Variants in DLG1 observed in about 807,000 individuals in gnomAD.
The protein encoded by DLG1 is discs large MAGUK scaffold protein 1.
Under a neutral mutation model 123.4 loss-of-function variants are expected in DLG1, and 42 were observed. The observed-to-expected ratio is 0.34, with a 90% CI of 0.27 to 0.44. The LOEUF is 0.44. Ranked by LOEUF, DLG1 falls within the 20% of genes least tolerant of loss-of-function variation. The probability of loss-of-function intolerance (pLI) is 1.00; values close to 1 mark genes in which losing one functional copy is unlikely to be tolerated. For missense variants in DLG1, 942 were observed against 1,082.6 expected (o/e 0.87, Z 1.82); for synonymous variants, 317 against 356.2 (o/e 0.89, Z 1.24).
intron 5 of DLG1, among the ~76,000 whole-genome samples, chr3:197,192,995 A>G (rs1433446963): frequency 8.5e-5 from 13 of 152,170 alleles, no homozygotes; most frequent in Non-Finnish European, 2.9e-5. Flanking sequence ...TTACTAGAAA[A>G]AAATAGCCTA....
chr3:197,191,364 A>G (rs1429804736), intron 5 of DLG1, among the ~76,000 whole-genome samples: 1 of 152,212 alleles, frequency 6.6e-6, no homozygotes, highest in East Asian at 1.9e-4. Context: ...TGAGCATTTT[A>G]GGCAACAACG....
chr3:197,092,126 T>C (rs926503221), intron 14 of DLG1, among the ~76,000 whole-genome samples: 8 of 152,294 alleles, frequency 5.3e-5, no homozygotes, highest in African/African-American at 1.9e-4. Context: ...TAAATAAATA[T>C]CAATCCATGG....
chr3:197,130,823 T>A, intron 10 of DLG1, 152 bp from the exon 11 acceptor site: 1 of 601,500 alleles, frequency 1.7e-6, no homozygotes, highest in Non-Finnish European at 2.8e-6. Context: ...GTCTATGATC[T>A]CAGTAAGTTG....
intron 23 of DLG1, among the ~76,000 whole-genome samples, chr3:197,054,082 C>T (rs572115232): frequency 5.9e-5 from 9 of 152,192 alleles, no homozygotes; most frequent in East Asian, 5.8e-4. Flanking sequence ...GGTGACAAAG[C>T]GAGACCTTGT....
At chr3:197,226,373 C>G (rs983500336) in intron 4 of DLG1, 8 of 152,124 alleles carry the variant, frequency 5.3e-5, no homozygotes, top group African/African-American at 1.9e-4. Context: ...TCGAGCAGAG[C>G]CACTATGCTC....
intron 22 of DLG1, among the ~76,000 whole-genome samples, chr3:197,063,580 A>G (rs943910913): frequency 1.3e-5 from 2 of 152,228 alleles, no homozygotes; most frequent in Non-Finnish European, 2.9e-5. Flanking sequence ...GTTTTAGAGA[A>G]CTTCATTTTG....
chr3:197,100,639 C>T (rs961917166), intron 14 of DLG1, among the ~76,000 whole-genome samples: 20 of 152,018 alleles, frequency 1.3e-4, no homozygotes, highest in Admixed American at 5.9e-4. Context: ...TGAGAGATTC[C>T]AAGAGTTTAA....
chr3:197,125,769 T>C (rs1357094288), intron 11 of DLG1, among the ~76,000 whole-genome samples: 1 of 152,034 alleles, frequency 6.6e-6, no homozygotes, highest in Non-Finnish European at 1.5e-5. Flanking sequence ...TTAGTGTGGT[T>C]TTTGGACATG....
chr3:197,152,228 T>C (rs1378307988), intron 5 of DLG1, among the ~76,000 whole-genome samples: 1 of 151,986 alleles, frequency 6.6e-6, no homozygotes, highest in Non-Finnish European at 1.5e-5. Flanking sequence ...CACTGAGTGG[T>C]AGAGGGAGGT....
At chr3:197,207,874 T>G (rs1171255851) in intron 4 of DLG1, among the ~76,000 whole-genome samples, 3 of 145,816 alleles carry the variant, frequency 2.1e-5, no homozygotes, top group African/African-American at 7.3e-5. Context: ...GAGAAATTCT[T>G]TTATAACTAT....
chr3:197,272,133 G>A (rs781669043), intron 4 of DLG1, among the ~76,000 whole-genome samples: 2 of 152,190 alleles, frequency 1.3e-5, no homozygotes, highest in Non-Finnish European at 2.9e-5. Flanking sequence ...AAGCAAAGCT[G>A]AGTTTTTTTC....
chr3:197,189,883 C>A (rs1718336277), intron 5 of DLG1, among the ~76,000 whole-genome samples: 1 of 152,158 alleles, frequency 6.6e-6, no homozygotes, highest in Non-Finnish European at 1.5e-5. Context: ...AGATTTCCAC[C>A]AATTTCAGAA....
At chr3:197,214,032 C>A (rs1361639306) in intron 4 of DLG1, among the ~76,000 whole-genome samples, 1 of 152,036 alleles carries the variant, frequency 6.6e-6, no homozygotes, top group African/African-American at 2.4e-5. Context: ...GTTGAACAGA[C>A]CACTGAGTCT....
intron 6 of DLG1, among the ~76,000 whole-genome samples, chr3:197,147,174 C>G (rs568550842): frequency 6.6e-6 from 1 of 152,046 alleles, no homozygotes; most frequent in Non-Finnish European, 1.5e-5. Context: ...AAAAGGAACA[C>G]TTTTACACTG....
intron 5 of DLG1, among the ~76,000 whole-genome samples, chr3:197,172,278 A>T (rs936094922): frequency 6.6e-6 from 1 of 152,190 alleles, no homozygotes; most frequent in African/African-American, 2.4e-5. Flanking sequence ...TAATACATAT[A>T]ATTATGTACG....
At chr3:197,089,067 T>C (rs1756123465) in intron 15 of DLG1, among the ~76,000 whole-genome samples, 1 of 151,954 alleles carries the variant, frequency 6.6e-6, no homozygotes, top group Non-Finnish European at 1.5e-5. Flanking sequence ...GATAGCAGTA[T>C]ATGCATGTTA....
At chr3:197,290,242 A>G (rs1186709929) in intron 3 of DLG1, among the ~76,000 whole-genome samples, 1 of 152,238 alleles carries the variant, frequency 6.6e-6, no homozygotes, top group Non-Finnish European at 1.5e-5. Context: ...TAAAATGCAA[A>G]GTGTTAACTG....
intron 23 of DLG1, among the ~76,000 whole-genome samples, chr3:197,053,216 T>C (rs1729184980): frequency 6.6e-6 from 1 of 152,236 alleles, no homozygotes; most frequent in African/African-American, 2.4e-5. Context: ...CCATTAATTA[T>C]GACGTTTGCT....
chr3:197,138,794 A>G (rs1015235409), intron 8 of DLG1, among the ~76,000 whole-genome samples: 1 of 152,144 alleles, frequency 6.6e-6, no homozygotes, highest in Non-Finnish European at 1.5e-5. Context: ...TGTAAGCTTA[A>G]TATATATTTT....
Sources: gnomAD v4.1 joint callset for allele counts (sites outside exome capture counted in the v4.1 genomes callset) on GRCh38, gnomAD v4.1.1 for gene constraint, MANE v1.5 for transcripts, NCBI Gene and HGNC (gene_info 2026-07-23, HGNC 2026-07-21) for gene names.